Variants in DSE observed in about 807,000 individuals in gnomAD.
DSE encodes the protein dermatan sulfate epimerase.
DSE carries 36 observed loss-of-function variants against 84.4 expected under a neutral mutation model. The ratio of observed to expected loss-of-function variants is 0.43; its 90% confidence interval spans 0.33 to 0.56. The LOEUF is 0.56. Among genes scored for constraint, DSE ranks in the 20% least tolerant of loss-of-function variants. The pLI is 0.06. For synonymous variants in DSE, 410 were observed against 430.1 expected, an observed-to-expected ratio of 0.95 and a Z score of 0.58; for missense variants, 862 against 1,169.6, an observed-to-expected ratio of 0.74 and a Z score of 3.84.
chr6:116,382,161 A>G (rs1225427586), intron 1 of DSE, among the ~76,000 whole-genome samples: 1 of 151,898 alleles, frequency 6.6e-6, no homozygotes, highest in Non-Finnish European at 1.5e-5. Flanking sequence ...AACTAATTAA[A>G]TCTGCATGAC....
At chr6:116,254,202 T>C in exon 1 of DSE, 1 of 724,444 alleles carries the variant, frequency 1.4e-6, no homozygotes, top group Non-Finnish European at 2.5e-6. Flanking sequence ...TATCAATCCA[T>C]CGTATTCCTT....
intron 2 of DSE, among the ~76,000 whole-genome samples, chr6:116,358,072 T>C (rs899602664): frequency 2.6e-5 from 4 of 152,352 alleles, no homozygotes; most frequent in Non-Finnish European, 4.4e-5. Context: ...TTCAGTCCTT[T>C]ACTGTCTAGT....
At position 116,399,521 on chromosome 6, in the gene DSE, C is replaced by A; in HGVS notation, c.271C>A (p.Pro91Thr). 6.2e-7 allele frequency: 1 copy of A among 1,614,206 alleles called. No homozygotes were observed. Among genetic ancestry groups the A allele is most frequent in the South Asian group, 1.1e-5 (1 of 91,082 alleles). ...SPLEYLPPWD[P>T]KDYSARWNEI... ...CTTGGAATACCTCCCTCCCTGGGAT[C>A]CCAAGGACTACAGTGCCCGCTGGAA... is the stretch of plus-strand genomic sequence containing the variant. The change falls in exon 2 of 6, where the codon CCC becomes ACC. Residue 91 changes from proline to threonine, a missense_variant. Pro to Thr is a conservative substitution (Grantham distance 38). Transcript: ENST00000644252.
In DSE at chr6:116,428,094, C is replaced by A. The variant is rs531561284; in HGVS notation, c.670+1267C>A. ...ATCCCAGCTACTCAGGAGGCTGAGG[C>A]AGGAGAATCACTTGAACCTGGGAGG... On this transcript the variant is annotated intron_variant, in intron 3 of 5. Transcript: ENST00000644252. 1.8e-4 allele frequency among the ~76,000 whole-genome samples: 28 copies of A among 152,302 alleles called. No homozygotes were observed. In the South Asian group the frequency reaches 5.8e-3, roughly 32 times the overall value.
chr6:116,352,894 C>T (rs1312394248), intron 2 of DSE, among the ~76,000 whole-genome samples: 1 of 152,152 alleles, frequency 6.6e-6, no homozygotes, highest in Non-Finnish European at 1.5e-5. Context: ...TTTCTTTCCT[C>T]GTTTCTTTCT....
intron 2 of DSE, among the ~76,000 whole-genome samples, chr6:116,406,807 C>T (rs991460602): frequency 6.6e-6 from 1 of 152,150 alleles, no homozygotes. Flanking sequence ...TGTCAACATG[C>T]GAGTTCTGGA....
chr6:116,350,865 T>G (rs1171187718), intron 2 of DSE, among the ~76,000 whole-genome samples: 1 of 151,946 alleles, frequency 6.6e-6, no homozygotes, highest in Non-Finnish European at 1.5e-5. Flanking sequence ...ATGACGAACA[T>G]AGACTATTTA....
chr6:116,389,627 G>T (rs928134161), intron 1 of DSE, among the ~76,000 whole-genome samples: 6 of 152,116 alleles, frequency 3.9e-5, no homozygotes, highest in Non-Finnish European at 8.8e-5. Context: ...GCATTTTGTG[G>T]TTTAGTTTAA....
chr6:116,281,618 A>C (rs563508458), intron 2 of DSE, among the ~76,000 whole-genome samples: 1 of 152,388 alleles, frequency 6.6e-6, no homozygotes, highest in East Asian at 1.9e-4. Context: ...TAAAGCCTAA[A>C]CATACCACAA....
chr6:116,431,001 A>G lies in DSE; in HGVS notation c.718A>G (p.Met240Val). Residue 240 changes from methionine to valine, a missense_variant, in exon 4 of 6, where the codon ATG becomes GTG. Transcript: ENST00000644252. Reference sequence around the variant, plus strand: ...ATGGACCAAACAAGTTCTGACCATCATGGAGAAATCTCTGGTCTTGCTCAG... The same window carrying G: ...ATGGACCAAACAAGTTCTGACCATCGTGGAGAAATCTCTGGTCTTGCTCAG... ...YLWTKQVLTI[M>V]EKSLVLLREV... 2.5e-6 allele frequency: 4 copies of G among 1,614,164 alleles called. No homozygotes were observed. Among genetic ancestry groups the G allele is most frequent in the Non-Finnish European group, 3.4e-6 (4 of 1,180,038 alleles).
At chr6:116,271,731 T>G (rs954691782) in intron 2 of DSE, among the ~76,000 whole-genome samples, 5 of 152,030 alleles carry the variant, frequency 3.3e-5, no homozygotes, top group Non-Finnish European at 7.4e-5. Context: ...GTAAGTAGAG[T>G]CAGCAATTTT....
rs575757919 is a variant in DSE, at chr6:116,343,988, A to G, written c.-53-55210A>G. Among the ~76,000 whole-genome samples the G allele has an allele frequency of 2.0e-5, 3 of 152,360 alleles. No homozygotes were observed. The South Asian group carries it at 6.2e-4, about 32-fold the overall frequency. ...CCATGGCATGAGAACTACGTGATGC[A>G]TGCACAAGCTTCAGTAGCCGATTTG... On this transcript the variant is annotated intron_variant, in intron 2 of 3. Transcript: ENST00000430252.
chr6:116,401,592 T>C (rs1037541761), intron 2 of DSE, among the ~76,000 whole-genome samples: 4 of 152,198 alleles, frequency 2.6e-5, no homozygotes, highest in Admixed American at 6.5e-5. Context: ...TTAAGTTGTG[T>C]TGTTTAATAA....
chr6:116,427,524 A>G (rs1016788752), intron 3 of DSE, among the ~76,000 whole-genome samples: 6 of 152,226 alleles, frequency 3.9e-5, no homozygotes, highest in African/African-American at 9.6e-5. Flanking sequence ...TATACTCCCC[A>G]TAAGAATTAT....
chr6:116,257,085 C>T (rs1306027525), intron 1 of DSE: 1 of 152,258 alleles, frequency 6.6e-6, no homozygotes, highest in Non-Finnish European at 1.5e-5. Flanking sequence ...TGTGAAATAT[C>T]CCCTATTGTT....
upstream of DSE, among the ~76,000 whole-genome samples, chr6:116,367,729 A>G (rs1211087355): frequency 1.3e-5 from 2 of 152,226 alleles, no homozygotes; most frequent in Non-Finnish European, 2.9e-5. Context: ...TTAACTGAAA[A>G]GATAGGTGAA....
Position 116,329,649 on chromosome 6 carries a change from C to T in DSE, c.-53-69549C>T, listed in dbSNP as rs1189253022. On this transcript the variant is annotated intron_variant, in intron 2 of 3. Transcript: ENST00000430252. ...TTTTGAAATTAAAATAAAAAATGTT[C>T]TTCAATCAACTATGAGTGATGTCAA... 2.6e-5 allele frequency among the ~76,000 whole-genome samples: 4 copies of T among 152,226 alleles called. No homozygotes were observed. In the East Asian group the frequency reaches 7.7e-4, roughly 29 times the overall value.
chr6:116,291,753 A>T (rs2114675014), intron 2 of DSE, among the ~76,000 whole-genome samples: 1 of 152,308 alleles, frequency 6.6e-6, no homozygotes, highest in African/African-American at 2.4e-5. Flanking sequence ...GTGAAGTATT[A>T]TAAAAATGCA....
Position 116,436,974 on chromosome 6 carries a change from A to T in DSE, c.2506A>T (p.Ile836Phe), listed in dbSNP as rs1290772339. ...FAQIEVNEKK[I>F]RQKAQILAQK... Reference sequence around the variant, plus strand: ...ACAGATTGAAGTCAATGAGAAAAAGATTAGACAGAAAGCTCAGATTTTGGC... The same window carrying T: ...ACAGATTGAAGTCAATGAGAAAAAGTTTAGACAGAAAGCTCAGATTTTGGC... Residue 836 changes from isoleucine (I) to phenylalanine (F), a missense_variant, in exon 6 of 6, where the codon ATT becomes TTT. Physicochemically the swap from Ile to Phe is conservative, Grantham distance 21. This residue lies in a region of DSE where 315 missense variants were observed against 348.1 expected (regional missense o/e 0.90). Coordinates refer to ENST00000644252, the MANE Select transcript of DSE (RefSeq NM_013352.4). 1 of 1,613,922 alleles carries T rather than the reference A, an allele frequency of 6.2e-7. No individual in the cohort carries two copies. Among genetic ancestry groups the T allele is most frequent in the African/African-American group, 1.3e-5 (1 of 74,864 alleles).
Sources: gnomAD v4.1 joint callset for allele counts (sites outside exome capture counted in the v4.1 genomes callset) on GRCh38, gnomAD v4.1.1 for gene constraint, gnomAD v4.1.1 regional missense constraint, MANE v1.5 for transcripts, NCBI Gene and HGNC (gene_info 2026-07-23, HGNC 2026-07-21) for gene names.